DZIP1: variants seen among roughly 807,000 people sequenced by gnomAD.
The protein encoded by DZIP1 is cilium assembly protein DZIP1.
DZIP1 carries 97 observed loss-of-function variants against 107.6 expected under a neutral mutation model. The ratio of observed to expected loss-of-function variants is 0.90; its 90% CI spans 0.77 to 1.07. The LOEUF is 1.07. Ranked by LOEUF, DZIP1 falls within the 50% of genes least tolerant of loss-of-function variation. DZIP1 has a pLI of 0.00. For synonymous variants in DZIP1, 390 were observed against 386.4 expected, an observed-to-expected ratio of 1.01 and a Z score of -0.11; for missense variants, 1,035 against 1,063.6, an observed-to-expected ratio of 0.97 and a Z score of 0.37.
intron 21 of DZIP1, 130 bp from the exon 22 acceptor site, chr13:95,585,040 C>T (rs1423443977): frequency 4.9e-6 from 3 of 607,104 alleles, no homozygotes; most frequent in Non-Finnish European, 8.0e-6. Flanking sequence ...TTAATACTTC[C>T]AAATCTAGTC....
At chr13:95,585,980 T>C in intron 21 of DZIP1, 26 bp downstream of exon 21, 1 of 1,575,562 alleles carries the variant, frequency 6.3e-7, no homozygotes, top group Non-Finnish European at 8.6e-7. Context: ...AATTTATGTA[T>C]ATCTAGCAAG....
intron 7 of DZIP1, 21 bp downstream of exon 7, chr13:95,629,968 C>A (rs766618774): frequency 6.3e-7 from 1 of 1,578,196 alleles, no homozygotes; most frequent in Non-Finnish European, 8.6e-7. Flanking sequence ...AATTAAAATA[C>A]CACAGAATTC....
chr13:95,598,542 T>C (rs2044523322), intron 15 of DZIP1, among the ~76,000 whole-genome samples: 1 of 152,122 alleles, frequency 6.6e-6, no homozygotes, highest in African/African-American at 2.4e-5. Context: ...ATACTGAATT[T>C]ATATATTAGG....
In DZIP1 at chr13:95,581,836, C is replaced by G. The variant is rs1353607952; in HGVS notation, c.*398G>C. ...TATAATATAAACGCCTACGATACGA[C>G]AGCATACATAAGAAAAATATTTTTT... On this transcript the variant is annotated 3_prime_UTR_variant, in exon 23 of 23. Transcript: ENST00000376829. 2 of 156,112 alleles carry G rather than the reference C, an allele frequency of 1.3e-5. No homozygotes were observed. Among genetic ancestry groups the G allele is most frequent in the Non-Finnish European group, 2.8e-5 (2 of 70,840 alleles). 9.7% of individuals were successfully genotyped at this position (156,112 alleles called of 1,614,324 possible).
At chr13:95,622,534 A>G in intron 8 of DZIP1, 54 bp from the exon 9 acceptor site, 1 of 1,603,544 alleles carries the variant, frequency 6.2e-7, no homozygotes, top group Non-Finnish European at 8.5e-7. Flanking sequence ...TAAGATGGAA[A>G]CAGAGAATAA....
intron 14 of DZIP1, among the ~76,000 whole-genome samples, chr13:95,604,310 C>T (rs976550936): frequency 9.2e-5 from 14 of 152,226 alleles, no homozygotes; most frequent in African/African-American, 2.4e-4. Flanking sequence ...ATAAACATTA[C>T]GCAATCCATG....
At chr13:95,636,196 C>CAAA (rs35387094) in intron 5 of DZIP1, among the ~76,000 whole-genome samples, 1 of 135,166 alleles carries the variant, frequency 7.4e-6, no homozygotes. Context: ...AGATAAAATA[C>CAAA]AAAAAAAAAA....
chr13:95,631,226 G>C (rs1259737298), intron 6 of DZIP1, among the ~76,000 whole-genome samples: 2 of 152,040 alleles, frequency 1.3e-5, no homozygotes, highest in Admixed American at 1.3e-4. Flanking sequence ...TAGTCCAAGG[G>C]GGATGAATTA....
At chr13:95,628,295 G>A (rs1418227528) in intron 7 of DZIP1, among the ~76,000 whole-genome samples, 1 of 152,034 alleles carries the variant, frequency 6.6e-6, no homozygotes, top group Non-Finnish European at 1.5e-5. Flanking sequence ...CTCCCATCTT[G>A]GCCTCCCAAA....
intron 14 of DZIP1, among the ~76,000 whole-genome samples, chr13:95,603,920 T>C (rs995139779): frequency 6.6e-6 from 1 of 152,200 alleles, no homozygotes; most frequent in Admixed American, 6.5e-5. Flanking sequence ...CAGCTCACAG[T>C]GGAGTCCCTT....
intron 15 of DZIP1, among the ~76,000 whole-genome samples, chr13:95,599,101 T>A (rs1014615657): frequency 1.3e-5 from 2 of 151,984 alleles, no homozygotes; most frequent in African/African-American, 4.8e-5. Context: ...TAAAGACAAA[T>A]TTTTTTTCAA....
intron 9 of DZIP1, among the ~76,000 whole-genome samples, chr13:95,620,252 A>G (rs548077094): frequency 6.6e-6 from 1 of 152,222 alleles, no homozygotes; most frequent in East Asian, 1.9e-4. Context: ...CTGCTCCATC[A>G]TCTTAAGACG....
chr13:95,581,990 CAT>C lies in DZIP1; in HGVS notation c.*242_*243del. Reference sequence around the variant, plus strand: ...AAAAAACTTTTTATGACTTCAATGACATGTTATTTTTAAGCAGCAGCGGAAGT... The same window carrying C: ...AAAAAACTTTTTATGACTTCAATGACGTTATTTTTAAGCAGCAGCGGAAGT... On this transcript the variant is annotated 3_prime_UTR_variant, in exon 23 of 23. Transcript: ENST00000376829. 8.1e-6 allele frequency: 3 copies of C among 369,382 alleles called. No individual in the cohort carries two copies. Among genetic ancestry groups the C allele is most frequent in the South Asian group, 9.6e-5 (1 of 10,418 alleles). 22.9% of individuals were successfully genotyped at this position (369,382 alleles called of 1,614,324 possible).
At chr13:95,631,259 C>T (rs1438793924) in intron 6 of DZIP1, among the ~76,000 whole-genome samples, 4 of 152,032 alleles carry the variant, frequency 2.6e-5, no homozygotes, top group African/African-American at 9.7e-5. Context: ...AGTTCGAGAC[C>T]AGCCTGGGCA....
chr13:95,593,216 TAC>T (rs1470876681), intron 16 of DZIP1, among the ~76,000 whole-genome samples: 1 of 152,216 alleles, frequency 6.6e-6, no homozygotes, highest in Non-Finnish European at 1.5e-5. Context: ...CAAATGTGTA[TAC>T]ACATACACAG....
At chr13:95,590,666 C>T (rs1258207968) in intron 16 of DZIP1, among the ~76,000 whole-genome samples, 7 of 152,222 alleles carry the variant, frequency 4.6e-5, no homozygotes, top group African/African-American at 1.7e-4. Context: ...ACCGACGAGG[C>T]TGTGTGTCAT....
At chr13:95,608,817 G>C (rs1206997772) in intron 13 of DZIP1, among the ~76,000 whole-genome samples, 1 of 152,204 alleles carries the variant, frequency 6.6e-6, no homozygotes, top group Non-Finnish European at 1.5e-5. Flanking sequence ...TGAGCGTGGT[G>C]CTGTCTCTCT....
intron 16 of DZIP1, among the ~76,000 whole-genome samples, chr13:95,593,262 T>C (rs775691623): frequency 6.6e-6 from 1 of 152,212 alleles, no homozygotes; most frequent in Non-Finnish European, 1.5e-5. Context: ...CATACATGTA[T>C]ATATACATAG....
chr13:95,642,171 A>AG lies in DZIP1; in HGVS notation c.-143dup. 3.5e-6 allele frequency: 4 copies of AG among 1,139,192 alleles called. No individual in the cohort carries two copies. In the South Asian group the frequency reaches 7.6e-5, roughly 22 times the overall value. The allele number at this position is 1,139,192 out of a possible 1,614,324, so 70.6% of individuals were successfully genotyped here. A position where few individuals can be genotyped will look rare whatever the true frequency, so the allele number is the denominator to read the frequency against. ...GTCTGGGCGTCCAGGACGTTGCTATAGCAGCGCCCAGGTCCGGACCTGGAG... is the reference window on the plus strand; with the variant it reads ...GTCTGGGCGTCCAGGACGTTGCTATAGGCAGCGCCCAGGTCCGGACCTGGAG... On this transcript the variant is annotated 5_prime_UTR_variant, in exon 4 of 23. Transcript: ENST00000376829.
Sources: allele counts gnomAD v4.1 joint callset (sites outside exome capture counted in the v4.1 genomes callset), GRCh38; gene constraint gnomAD v4.1.1; transcripts MANE v1.5; gene names NCBI Gene and HGNC (gene_info 2026-07-23, HGNC 2026-07-21).